CCDC39: variants seen among roughly 807,000 people sequenced by gnomAD.
CCDC39 encodes coiled-coil domain 39 molecular ruler complex subunit.
In CCDC39, 113 loss-of-function variants were observed where a neutral mutation model predicts 121.0. The observed-to-expected ratio is 0.93, with a 90% CI of 0.80 to 1.09. The LOEUF (loss-of-function observed/expected upper bound fraction) is 1.09, where lower values mean the gene tolerates loss of function less well. Ranked by LOEUF, CCDC39 falls within the 50% of genes least tolerant of loss-of-function variation. The pLI, the probability that CCDC39 is intolerant of heterozygous loss-of-function variation, is 0.00. For missense variants in CCDC39, 1,063 were observed against 1,074.7 expected, an observed-to-expected ratio of 0.99 and a Z score of 0.15; for synonymous variants, 349 against 352.2, an observed-to-expected ratio of 0.99 and a Z score of 0.10.
At position 180,661,971 on chromosome 3, in the gene CCDC39, C is replaced by T; in HGVS notation, c.247G>A (p.Glu83Lys). The T allele has an allele frequency of 1.3e-6, 2 of 1,556,636 alleles. No homozygotes were observed. The highest frequency in any genetic ancestry group is 2.4e-5 in the South Asian group (2 of 84,288). Residue 83 changes from glutamate to lysine, a missense_variant, in exon 3 of 20, where the codon GAA (glutamate) becomes AAA (lysine). Glu to Lys is a moderately conservative substitution (Grantham distance 56). Coordinates refer to ENST00000476379, the MANE Select transcript of CCDC39 (RefSeq NM_181426.2). ...CKARERETES[E>K]EHFKAIAQRE... ...TGAGCAATGGCCTTAAAATGTTCTT[C>T]ACTTTCAGTCTCACGCTCCCTTGCT...
intron 11 of CCDC39, among the ~76,000 whole-genome samples, chr3:180,646,502 T>A (rs1399324380): frequency 1.3e-5 from 2 of 152,116 alleles, no homozygotes; most frequent in African/African-American, 4.8e-5. Flanking sequence ...CATAATAAAA[T>A]GCCTAAAGAT....
chr3:180,655,612 C>T (rs1315380728), intron 6 of CCDC39, among the ~76,000 whole-genome samples: 2 of 151,364 alleles, frequency 1.3e-5, no homozygotes, highest in East Asian at 1.9e-4. Flanking sequence ...TTGAGTCAGG[C>T]TTACAAACAT....
intron 14 of CCDC39, among the ~76,000 whole-genome samples, chr3:180,627,225 CATT>C (rs1237232083): frequency 1.3e-5 from 2 of 152,264 alleles, no homozygotes; most frequent in East Asian, 3.9e-4. Context: ...TGCTTCAGAA[CATT>C]AGTTACACAT....
chr3:180,621,425 CTT>C (rs1479385730), intron 14 of CCDC39, among the ~76,000 whole-genome samples: 3 of 152,040 alleles, frequency 2.0e-5, no homozygotes, highest in Non-Finnish European at 4.4e-5. Flanking sequence ...ACCAACATCT[CTT>C]GTTTTCTGTC....
At chr3:180,652,778 C>T (rs1711509507) in intron 7 of CCDC39, among the ~76,000 whole-genome samples, 1 of 151,994 alleles carries the variant, frequency 6.6e-6, no homozygotes, top group African/African-American at 2.4e-5. Context: ...CTAAACTCTC[C>T]ACCAAATACT....
At chr3:180,673,656 T>C (rs759202878) in intron 1 of CCDC39, among the ~76,000 whole-genome samples, 11 of 152,242 alleles carry the variant, frequency 7.2e-5, no homozygotes, top group East Asian at 1.9e-4. Flanking sequence ...TCACAATATC[T>C]TGAAGGTAAG....
chr3:180,642,686 C>A (rs1717984112), intron 12 of CCDC39, among the ~76,000 whole-genome samples: 1 of 152,112 alleles, frequency 6.6e-6, no homozygotes, highest in Middle Eastern at 3.4e-3. Context: ...ATAAACGTGG[C>A]TTTTCATTTG....
chr3:180,672,871 C>A (rs1471863190), intron 1 of CCDC39, among the ~76,000 whole-genome samples: 1 of 152,146 alleles, frequency 6.6e-6, no homozygotes, highest in Non-Finnish European at 1.5e-5. Context: ...TAAGAACATT[C>A]ATGATTCATA....
chr3:180,639,226 T>C (rs1361618116), intron 13 of CCDC39, among the ~76,000 whole-genome samples: 5 of 152,166 alleles, frequency 3.3e-5, no homozygotes, highest in Non-Finnish European at 7.4e-5. Flanking sequence ...AATAAAAGAA[T>C]TATATTTCAT....
chr3:180,630,731 A>C (rs1258723852), intron 14 of CCDC39, among the ~76,000 whole-genome samples: 1 of 152,164 alleles, frequency 6.6e-6, no homozygotes, highest in South Asian at 2.1e-4. Context: ...CACTTAATGA[A>C]TTTCCCCTTT....
At chr3:180,627,548 AGTCT>A (rs1401557019) in intron 14 of CCDC39, among the ~76,000 whole-genome samples, 1 of 152,242 alleles carries the variant, frequency 6.6e-6, no homozygotes, top group Admixed American at 6.5e-5. Context: ...ATCTCTCAAA[AGTCT>A]GTCCAATATT....
intron 9 of CCDC39, among the ~76,000 whole-genome samples, chr3:180,649,118 T>C (rs1395753793): frequency 6.6e-6 from 1 of 152,190 alleles, no homozygotes; most frequent in Non-Finnish European, 1.5e-5. Context: ...GGAAAATTTC[T>C]AAAAATTTAA....
At chr3:180,635,490 G>C (rs1487553145) in intron 13 of CCDC39, among the ~76,000 whole-genome samples, 1 of 152,188 alleles carries the variant, frequency 6.6e-6, no homozygotes, top group East Asian at 1.9e-4. Flanking sequence ...TTGCTTCCAA[G>C]ATACAATGGG....
At position 180,614,145 on chromosome 3, in the gene CCDC39, T is replaced by TA. The variant is rs1472762260; in HGVS notation, c.*775dup. ...ACATTTGGCAGTCTACCTCCAACTG[T>TA]AAATGAAATTTCTATTGCAAATCAA... On this transcript the variant is annotated 3_prime_UTR_variant, in exon 20 of 20. Transcript: ENST00000476379. 1 of 167,746 alleles carries TA rather than the reference T, an allele frequency of 6.0e-6. No homozygotes were observed. Among genetic ancestry groups the TA allele is most frequent in the Admixed American group, 5.9e-5 (1 of 16,820 alleles). The allele number at this position is 167,746 out of a possible 1,614,324, so 10.4% of individuals were successfully genotyped here. A position where few individuals can be genotyped will look rare whatever the true frequency, so the allele number is the denominator to read the frequency against.
chr3:180,647,272 T>TAC (rs1398161477), intron 10 of CCDC39, 29 bp from the exon 11 acceptor site: 18 of 1,502,990 alleles, frequency 1.2e-5, no homozygotes, highest in Non-Finnish European at 1.6e-5. Flanking sequence ...AAAAAGGTAT[T>TAC]ACAAAGAAAA....
chr3:180,616,438 C>T, intron 18 of CCDC39, 75 bp from the exon 19 acceptor site: 1 of 1,503,708 alleles, frequency 6.7e-7, no homozygotes, highest in East Asian at 2.3e-5. Context: ...AATTAGCTTT[C>T]ACTTCATGAT....
chr3:180,640,092 A>G (rs949501511), intron 13 of CCDC39, among the ~76,000 whole-genome samples: 33 of 152,044 alleles, frequency 2.2e-4, no homozygotes, highest in Admixed American at 1.4e-3. Flanking sequence ...AGGAATTACA[A>G]TGGGGTACAA....
At chr3:180,674,623 A>G (rs1025294355) in intron 1 of CCDC39, among the ~76,000 whole-genome samples, 2 of 152,138 alleles carry the variant, frequency 1.3e-5, no homozygotes, top group Non-Finnish European at 2.9e-5. Context: ...GTTTGTCATA[A>G]ATAGCTCTTA....
At chr3:180,646,933 T>C in intron 11 of CCDC39, 146 bp downstream of exon 11, 2 of 674,530 alleles carry the variant, frequency 3.0e-6, no homozygotes, top group Middle Eastern at 4.2e-4. Flanking sequence ...ACACTAATAG[T>C]ACAAAAATAA....
Sources: gnomAD v4.1 joint callset for allele counts (sites outside exome capture counted in the v4.1 genomes callset) on GRCh38, gnomAD v4.1.1 for gene constraint, MANE v1.5 for transcripts, NCBI Gene and HGNC (gene_info 2026-07-23, HGNC 2026-07-21) for gene names.